The following THRB variants were observed in gnomAD, a reference collection of about 807,000 sequenced individuals.
The protein encoded by THRB is nuclear receptor subfamily 1 group A member 2.
In THRB, 12 loss-of-function variants were observed where a neutral mutation model predicts 47.8. The ratio of observed to expected loss-of-function variants is 0.25; its 90% CI spans 0.16 to 0.41. The LOEUF is 0.41. THRB is among the 10% of genes least tolerant of loss of function. The pLI is 1.00. For missense variants in THRB, 348 were observed against 589.2 expected, an observed-to-expected ratio of 0.59 and a Z score of 4.24; for synonymous variants, 218 against 212.2, an observed-to-expected ratio of 1.03 and a Z score of -0.24.
At chr3:24,418,145 C>A (rs184545563) in intron 1 of THRB, among the ~76,000 whole-genome samples, 1 of 151,790 alleles carries the variant, frequency 6.6e-6, no homozygotes, top group East Asian at 2.0e-4. Flanking sequence ...GTCGATTCTA[C>A]CTTTCAACCT....
chr3:24,273,765 G>A (rs369567706), intron 3 of THRB, among the ~76,000 whole-genome samples: 16 of 152,096 alleles, frequency 1.1e-4, no homozygotes, highest in Non-Finnish European at 1.5e-4. Context: ...TACCCATTGC[G>A]GTAGAGCACA....
chr3:24,402,421 G>A (rs1240449712), intron 1 of THRB, among the ~76,000 whole-genome samples: 1 of 151,316 alleles, frequency 6.6e-6, no homozygotes, highest in African/African-American at 2.4e-5. Context: ...TTTGGGAACT[G>A]CTGTTCTACT....
chr3:24,340,498 G>C (rs539301835), intron 1 of THRB, among the ~76,000 whole-genome samples: 61 of 123,104 alleles, frequency 5.0e-4, no homozygotes, highest in African/African-American at 1.9e-3. Context: ...TTTTTTTTTT[G>C]TAAAGTGCTT....
At chr3:24,185,255 A>G (rs2042420551) in intron 5 of THRB, among the ~76,000 whole-genome samples, 1 of 152,238 alleles carries the variant, frequency 6.6e-6, no homozygotes, top group Non-Finnish European at 1.5e-5. Context: ...ACATGGGAAA[A>G]TGTTCATGAT....
chr3:24,245,125 T>G (rs2049980223), intron 3 of THRB, among the ~76,000 whole-genome samples: 1 of 152,210 alleles, frequency 6.6e-6, no homozygotes, highest in African/African-American at 2.4e-5. Flanking sequence ...GCTATGTGTC[T>G]GGAGAACTCC....
chr3:24,203,656 G>A (rs2044875674), intron 4 of THRB, among the ~76,000 whole-genome samples: 1 of 152,124 alleles, frequency 6.6e-6, no homozygotes, highest in Non-Finnish European at 1.5e-5. Context: ...TCGGACAGTG[G>A]GTGCAGGAGA....
At chr3:24,477,204 C>G (rs972421461) in intron 1 of THRB, among the ~76,000 whole-genome samples, 5 of 151,700 alleles carry the variant, frequency 3.3e-5, no homozygotes, top group African/African-American at 4.8e-5. Context: ...TTACTTAAAA[C>G]TTTTGTTGAT....
chr3:24,363,895 A>T (rs1047964954), intron 1 of THRB, among the ~76,000 whole-genome samples: 35 of 152,190 alleles, frequency 2.3e-4, no homozygotes, highest in African/African-American at 6.3e-4. Flanking sequence ...TCTCTAATAT[A>T]CATAAAAACA....
At chr3:24,274,874 A>G (rs796418815) in intron 3 of THRB, among the ~76,000 whole-genome samples, 1 of 150,760 alleles carries the variant, frequency 6.6e-6, no homozygotes, top group South Asian at 2.1e-4. Flanking sequence ...ATTTTCTATG[A>G]GAGAGACAGT....
At position 24,122,468 on chromosome 3, in the gene THRB, C is replaced by G. The variant is rs777946299; in HGVS notation, c.*416G>C. The G allele has an allele frequency of 3.6e-6, 1 of 279,580 alleles. No individual in the cohort carries two copies. The highest frequency in any genetic ancestry group is 7.0e-6 in the Non-Finnish European group (1 of 143,714). 17.3% of individuals were successfully genotyped at this position (279,580 alleles called of 1,614,324 possible). A position where few individuals can be genotyped will look rare whatever the true frequency, so the allele number is the denominator to read the frequency against. ...CACATCTAACTAAAGGTGGTCTGTG[C>G]TCTGTTAACTTCAGCCCTGCGAACA... On this transcript the variant is annotated 3_prime_UTR_variant, in exon 11 of 11. Coordinates refer to ENST00000646209, the MANE Select transcript of THRB (RefSeq NM_001354712.2).
intron 4 of THRB, among the ~76,000 whole-genome samples, chr3:24,210,224 C>T (rs930424659): frequency 6.6e-6 from 1 of 152,116 alleles, no homozygotes; most frequent in African/African-American, 2.4e-5. Context: ...GACACATTTA[C>T]CTAGAAAGTT....
chr3:24,139,427 A>T lies in THRB; in HGVS notation c.738+4074T>A, dbSNP rs541084731. ...GAGACATGGTTTTACTCTGTTGTCCAGTCTGGAGTGGAGTGGCATAATCAC... is the reference window on the plus strand; with the variant it reads ...GAGACATGGTTTTACTCTGTTGTCCTGTCTGGAGTGGAGTGGCATAATCAC... On this transcript the variant is annotated intron_variant, in intron 8 of 10. Transcript: ENST00000646209. 6.4e-5 allele frequency among the ~76,000 whole-genome samples: 9 copies of T among 140,814 alleles called. No homozygotes were observed. In the East Asian group the frequency reaches 1.5e-3, roughly 23 times the overall value. 92.4% of individuals were successfully genotyped at this position (140,814 alleles called of 152,430 possible).
At chr3:24,228,893 A>G in intron 4 of THRB, 45 bp downstream of exon 4, 2 of 1,575,950 alleles carry the variant, frequency 1.3e-6, no homozygotes, top group Non-Finnish European at 8.7e-7. Flanking sequence ...TCTAGGTGGA[A>G]CAAAAATGGA....
intron 4 of THRB, among the ~76,000 whole-genome samples, chr3:24,216,917 C>G (rs2046625168): frequency 6.6e-6 from 1 of 151,822 alleles, no homozygotes; most frequent in South Asian, 2.1e-4. Flanking sequence ...ACATAGAAAT[C>G]TTTGAAGAAT....
intron 4 of THRB, among the ~76,000 whole-genome samples, chr3:24,193,060 C>G (rs915222753): frequency 2.4e-4 from 37 of 152,136 alleles, no homozygotes; most frequent in African/African-American, 8.9e-4. Context: ...ATGAGACTCC[C>G]ATGACACTGG....
At chr3:24,262,042 T>C (rs1429524246) in intron 3 of THRB, among the ~76,000 whole-genome samples, 2 of 152,222 alleles carry the variant, frequency 1.3e-5, no homozygotes, top group Non-Finnish European at 2.9e-5. Context: ...TGTGTCTCTA[T>C]AGACCCCAGA....
rs143552338 is a variant in THRB, at chr3:24,422,205, G to A, written c.-261+72447C>T. Among the ~76,000 whole-genome samples the A allele has an allele frequency of 4.6e-5, 7 of 152,064 alleles. No homozygotes were observed. The South Asian group carries it at 1.5e-3, about 32-fold the overall frequency. ...TTAAAGTTTGAGATTCTATCTAATT[G>A]TTCACAAAGCCTGTGCTATGTTATC... On this transcript the variant is annotated intron_variant, in intron 1 of 10. Transcript: ENST00000646209.
chr3:24,234,457 G>T (rs561018504), intron 3 of THRB, among the ~76,000 whole-genome samples: 4 of 152,290 alleles, frequency 2.6e-5, no homozygotes, highest in Admixed American at 1.3e-4. Flanking sequence ...CCTACCAGCA[G>T]TAAATTCCTT....
chr3:24,142,356 G>A (rs992463864), intron 8 of THRB, among the ~76,000 whole-genome samples: 1 of 152,230 alleles, frequency 6.6e-6, no homozygotes, highest in Admixed American at 6.5e-5. Flanking sequence ...TCAACAAAGT[G>A]CTGGCACTAT....
Sources: allele counts gnomAD v4.1 joint callset (sites outside exome capture counted in the v4.1 genomes callset), GRCh38; gene constraint gnomAD v4.1.1; transcripts MANE v1.5; gene names NCBI Gene and HGNC (gene_info 2026-07-23, HGNC 2026-07-21).